Variants in MAPK10 observed in about 807,000 individuals in gnomAD.
MAPK10 encodes mitogen-activated protein kinase 10, also known as JNK3 alpha protein kinase.
Under a neutral mutation model 59.3 loss-of-function variants are expected in MAPK10, and 25 were observed. The observed-to-expected ratio is 0.42, with a 90% CI of 0.31 to 0.59. The LOEUF is 0.59. MAPK10 is among the 20% of genes least tolerant of loss of function. The pLI, the probability that MAPK10 is intolerant of heterozygous loss-of-function variation, is 0.15. For synonymous variants in MAPK10, 190 were observed against 200.5 expected (o/e 0.95, Z 0.44); for missense variants, 351 against 568.9 (o/e 0.62, Z 3.90).
intron 2 of MAPK10, among the ~76,000 whole-genome samples, chr4:86,259,754 G>A (rs2093911117): frequency 6.6e-6 from 1 of 151,900 alleles, no homozygotes; most frequent in Non-Finnish European, 1.5e-5. Flanking sequence ...TACCATCCAA[G>A]CCATTTGCAT....
rs779145963 is a variant in MAPK10, at chr4:86,506,040, A to G, written c.-263+87870T>C. Among the ~76,000 whole-genome samples the G allele has an allele frequency of 4.3e-4, 65 of 152,326 alleles. No homozygotes were observed. In the Middle Eastern group the frequency reaches 0.01, roughly 24 times the overall value. ...AAAGGAATTCATAATAATTCCTTAA[A>G]GAAAACATTTTTAAAGCACCTGGTA... On this transcript the variant is annotated intron_variant, in intron 1 of 4. Coordinates refer to the MAPK10 transcript ENST00000502302.
At chr4:86,070,779 T>C (rs1018397951) in intron 9 of MAPK10, among the ~76,000 whole-genome samples, 2 of 151,698 alleles carry the variant, frequency 1.3e-5, no homozygotes, top group African/African-American at 4.8e-5. Flanking sequence ...ATTTTCTTAA[T>C]CCAGTCTATC....
At chr4:86,133,199 A>G (rs1197459475) in intron 4 of MAPK10, among the ~76,000 whole-genome samples, 1 of 152,238 alleles carries the variant, frequency 6.6e-6, no homozygotes, top group Non-Finnish European at 1.5e-5. Context: ...TGTTTTCTCT[A>G]CAGATAATGA....
intron 1 of MAPK10, among the ~76,000 whole-genome samples, chr4:86,480,509 G>A (rs1156827978): frequency 3.3e-5 from 5 of 152,154 alleles, no homozygotes; most frequent in South Asian, 4.1e-4. Flanking sequence ...CTCTTCACAC[G>A]GATGCGAGTG....
chr4:86,393,758 G>A (rs893772464), intron 1 of MAPK10, among the ~76,000 whole-genome samples: 5 of 152,156 alleles, frequency 3.3e-5, no homozygotes, highest in African/African-American at 1.2e-4. Context: ...AAGCTTGAAA[G>A]TCTCTCCACG....
At chr4:86,381,857 A>G (rs1036348314) in intron 1 of MAPK10, among the ~76,000 whole-genome samples, 4 of 152,172 alleles carry the variant, frequency 2.6e-5, no homozygotes, top group African/African-American at 9.7e-5. Context: ...GAGTGAGTCC[A>G]GAAGAGTCAC....
chr4:86,334,757 C>CA (rs34455560), intron 2 of MAPK10, among the ~76,000 whole-genome samples: 130 of 150,672 alleles, frequency 8.6e-4, no homozygotes, highest in African/African-American at 1.7e-3. Context: ...AAAAAAACAA[C>CA]AAAAAAAAAA....
chr4:86,078,664 G>A (rs1305876968), intron 9 of MAPK10, among the ~76,000 whole-genome samples: 1 of 151,646 alleles, frequency 6.6e-6, no homozygotes, highest in African/African-American at 2.4e-5. Context: ...AGATTTTCAT[G>A]GTTATGTTTC....
chr4:86,563,914 C>T (rs2149105449), intron 1 of MAPK10, among the ~76,000 whole-genome samples: 1 of 152,318 alleles, frequency 6.6e-6, no homozygotes, highest in East Asian at 1.9e-4. Flanking sequence ...TCACTGCCAC[C>T]TCCACCTTCC....
intron 12 of MAPK10, among the ~76,000 whole-genome samples, chr4:86,029,524 A>T (rs769570913): frequency 6.6e-6 from 1 of 152,238 alleles, no homozygotes; most frequent in African/African-American, 2.4e-5. Flanking sequence ...TACATGAAAC[A>T]TACTATTTAT....
intron 1 of MAPK10, among the ~76,000 whole-genome samples, chr4:86,418,445 T>G (rs1746117836): frequency 6.6e-6 from 1 of 152,162 alleles, no homozygotes; most frequent in Non-Finnish European, 1.5e-5. Context: ...TATGGCAAAA[T>G]CATTTGTACG....
chr4:86,100,871 C>T (rs1011854028), intron 8 of MAPK10, 181 bp downstream of exon 8: 2 of 522,658 alleles, frequency 3.8e-6, no homozygotes, highest in Admixed American at 6.3e-5. Flanking sequence ...TTCTCAATAA[C>T]ATCCTTCACA....
intron 1 of MAPK10, among the ~76,000 whole-genome samples, chr4:86,541,960 C>G (rs1758733976): frequency 7.2e-6 from 1 of 139,302 alleles, no homozygotes; most frequent in South Asian, 2.2e-4. Context: ...CACACACACA[C>G]ACACACACAC....
At chr4:86,542,249 T>TGCAAGC (rs1173955179) in intron 1 of MAPK10, among the ~76,000 whole-genome samples, 11 of 152,162 alleles carry the variant, frequency 7.2e-5, no homozygotes, top group African/African-American at 2.7e-4. Context: ...AGCCAGCAGA[T>TGCAAGC]GCAAGCACAA....
chr4:86,199,486 T>C (rs953734330), intron 2 of MAPK10, among the ~76,000 whole-genome samples: 6 of 152,008 alleles, frequency 3.9e-5, no homozygotes, highest in African/African-American at 1.4e-4. Context: ...TTTAAGAATA[T>C]TGCTTTAGTA....
At chr4:86,063,878 T>A (rs1411936868) in intron 11 of MAPK10, among the ~76,000 whole-genome samples, 7 of 152,192 alleles carry the variant, frequency 4.6e-5, no homozygotes, top group South Asian at 2.1e-4. Context: ...ATTTTACTAG[T>A]GGCAGGTATC....
rs956852118 is a variant in MAPK10 at position 86,287,533 on chromosome 4, A to C, written c.-7+66997T>G. Among the ~76,000 whole-genome samples the C allele has an allele frequency of 9.8e-5, 15 of 152,306 alleles. No individual in the cohort carries two copies. The East Asian group carries it at 2.9e-3, about 29-fold the overall frequency. ...AAGAAATAGTCATGAGTAATGCTTT[A>C]ACACACATTTCAAAGCATCAGGCGT... On this transcript the variant is annotated intron_variant, in intron 2 of 13. Coordinates refer to ENST00000641462, the MANE Select transcript of MAPK10 (RefSeq NM_138982.4).
chr4:86,423,633 AT>A (rs1746819265), intron 1 of MAPK10, among the ~76,000 whole-genome samples: 2 of 151,706 alleles, frequency 1.3e-5, no homozygotes, highest in Admixed American at 1.3e-4. Context: ...TGAGGGGGTT[AT>A]TTTTTGTGAA....
chr4:86,549,553 T>C (rs1759590080), intron 1 of MAPK10, among the ~76,000 whole-genome samples: 1 of 152,226 alleles, frequency 6.6e-6, no homozygotes, highest in Non-Finnish European at 1.5e-5. Context: ...TGGAAGTTGC[T>C]CTGAGTGAGT....
Sources: allele counts gnomAD v4.1 joint callset (sites outside exome capture counted in the v4.1 genomes callset), GRCh38; gene constraint gnomAD v4.1.1; transcripts MANE v1.5; gene names NCBI Gene and HGNC (gene_info 2026-07-23, HGNC 2026-07-21).